Variants in FBXO34 observed in about 807,000 individuals in gnomAD.
The protein encoded by FBXO34 is F-box only protein 34.
In FBXO34, 12 loss-of-function variants were observed where a neutral mutation model predicts 24.5. The observed-to-expected ratio is 0.49, with a 90% CI of 0.31 to 0.79. The LOEUF (loss-of-function observed/expected upper bound fraction) is 0.79. FBXO34 is among the 30% of genes least tolerant of loss of function. FBXO34 has a pLI of 0.04. For synonymous variants in FBXO34, 320 were observed against 311.9 expected (o/e 1.03, Z -0.27); for missense variants, 823 against 857.7 (o/e 0.96, Z 0.51).
downstream of FBXO34, among the ~76,000 whole-genome samples, chr14:55,362,407 G>A (rs772720092): frequency 8.5e-5 from 13 of 152,178 alleles, no homozygotes; most frequent in Non-Finnish European, 1.6e-4. Context: ...ACATGATGAA[G>A]TGGGCACATA....
the FBXO34 span, chr14:55,386,073 T>G: frequency 6.2e-7 from 1 of 1,611,044 alleles, no homozygotes; most frequent in Non-Finnish European, 8.5e-7. Flanking sequence ...TTCTTTTCCT[T>G]GGTTTTGAGA....
intron 1 of FBXO34, among the ~76,000 whole-genome samples, chr14:55,275,808 A>AGCG (rs1382709195): frequency 7.5e-6 from 1 of 132,630 alleles, no homozygotes; most frequent in Non-Finnish European, 1.5e-5. Context: ...TGGGTGACAG[A>AGCG]GCGAGACTCT....
At chr14:55,435,462 G>T in the FBXO34 span, among the ~76,000 whole-genome samples, 1 of 152,190 alleles carries the variant, frequency 6.6e-6, no homozygotes, top group African/African-American at 2.4e-5. Flanking sequence ...TTTTAGTAGA[G>T]ACGGGATTTC....
chr14:55,347,930 T>C (rs1424821754), intron 1 of FBXO34, among the ~76,000 whole-genome samples: 1 of 152,236 alleles, frequency 6.6e-6, no homozygotes, highest in African/African-American at 2.4e-5. Flanking sequence ...CTTCCATTTC[T>C]TTCATTTAGG....
chr14:55,301,424 G>A (rs1294102139), intron 1 of FBXO34, among the ~76,000 whole-genome samples: 2 of 149,270 alleles, frequency 1.3e-5, no homozygotes, highest in Non-Finnish European at 1.5e-5. Flanking sequence ...GTGACAAAGT[G>A]AGACTCTGTC....
chr14:55,419,145 T>G, the FBXO34 span, among the ~76,000 whole-genome samples: 1 of 152,212 alleles, frequency 6.6e-6, no homozygotes, highest in African/African-American at 2.4e-5. Flanking sequence ...ATTGTAGACT[T>G]GCAAATTGCT....
chr14:55,436,634 A>G, the FBXO34 span: 1 of 1,614,214 alleles, frequency 6.2e-7, no homozygotes, highest in Non-Finnish European at 8.5e-7. Flanking sequence ...GATGCCAGAG[A>G]CAAGGAGTCG....
At chr14:55,433,635 G>T in the FBXO34 span, 3 of 1,613,794 alleles carry the variant, frequency 1.9e-6, no homozygotes, top group Non-Finnish European at 1.7e-6. Flanking sequence ...CATACCTTTT[G>T]GCTCCCGTGC....
chr14:55,403,338 A>G, the FBXO34 span, among the ~76,000 whole-genome samples: 1,273 of 152,236 alleles, frequency 8.4e-3, 23 homozygotes, highest in African/African-American at 0.029. Flanking sequence ...TCAGACCACA[A>G]AAAGAGACTG....
the FBXO34 span, among the ~76,000 whole-genome samples, chr14:55,400,056 C>T: frequency 2.0e-5 from 3 of 152,298 alleles, no homozygotes; most frequent in African/African-American, 7.2e-5. Flanking sequence ...TCATGAGTCA[C>T]GTCCTCCTTC....
At chr14:55,354,606 G>A (rs7159144), downstream of FBXO34, 84,801 of 152,140 alleles carry the variant, frequency 0.56, 26,672 homozygotes, top group African/African-American at 0.87. Flanking sequence ...CCCAGCCCCA[G>A]TTGGCATGCA....
chr14:55,337,133 C>A (rs1883811919), intron 1 of FBXO34, among the ~76,000 whole-genome samples: 1 of 151,938 alleles, frequency 6.6e-6, no homozygotes, highest in African/African-American at 2.4e-5. Context: ...ACCACTGTGC[C>A]TGGCTAATTT....
At chr14:55,362,500 T>G (rs1458897289), downstream of FBXO34, among the ~76,000 whole-genome samples, 1 of 152,028 alleles carries the variant, frequency 6.6e-6, no homozygotes, top group African/African-American at 2.4e-5. Context: ...CGGAGAGGTG[T>G]GACAAAGCAA....
the FBXO34 span, among the ~76,000 whole-genome samples, chr14:55,394,319 T>C: frequency 6.6e-6 from 1 of 152,170 alleles, no homozygotes; most frequent in African/African-American, 2.4e-5. Flanking sequence ...TTTTCCTTCA[T>C]AATTGAGATT....
At chr14:55,281,870 A>G (rs1313191381) in intron 1 of FBXO34, among the ~76,000 whole-genome samples, 1 of 152,100 alleles carries the variant, frequency 6.6e-6, no homozygotes. Context: ...TTGTAGGCAC[A>G]TATCGAAGGC....
rs1883581464 is a variant in FBXO34, at chr14:55,331,777, A to G, written c.-10-18604A>G. 5.2e-5 allele frequency among the ~76,000 whole-genome samples: 4 copies of G among 76,380 alleles called. No individual in the cohort carries two copies. In the South Asian group the frequency reaches 1.5e-3, roughly 29 times the overall value. The allele number at this position is 76,380 out of a possible 152,430, so 50.1% of individuals were successfully genotyped here. On this transcript the variant is annotated intron_variant, in intron 1 of 1. Transcript: ENST00000313833. Reference sequence around the variant, plus strand: ...TATATATATGTATATATATATATATATACCACCATGGTGTATATATAAATA... The same window carrying G: ...TATATATATGTATATATATATATATGTACCACCATGGTGTATATATAAATA...
At chr14:55,389,462 C>A in the FBXO34 span, among the ~76,000 whole-genome samples, 1 of 152,316 alleles carries the variant, frequency 6.6e-6, no homozygotes, top group South Asian at 2.1e-4. Flanking sequence ...CCGTGAAACT[C>A]CACGTGAGCA....
At chr14:55,329,568 T>A (rs934246756) in intron 1 of FBXO34, among the ~76,000 whole-genome samples, 1 of 152,256 alleles carries the variant, frequency 6.6e-6, no homozygotes, top group African/African-American at 2.4e-5. Flanking sequence ...TTTAACTTTC[T>A]ATTCAGTAGT....
In FBXO34 at chr14:55,351,801, T is replaced by G; in HGVS notation, c.1411T>G (p.Leu471Val). 6.2e-7 allele frequency: 1 copy of G among 1,614,194 alleles called. No homozygotes were observed. Among genetic ancestry groups the G allele is most frequent in the Non-Finnish European group, 8.5e-7 (1 of 1,180,030 alleles). Residue 471 changes from leucine to valine, a missense_variant, in exon 2 of 2, where the codon TTA (leucine) becomes GTA (valine). By Grantham distance (32) the Leu-to-Val change is conservative. Around this residue, in one of 2 missense-constraint regions of FBXO34, gnomAD observed 693 missense variants for 659.1 expected, o/e 1.05. Coordinates refer to ENST00000313833, the MANE Select transcript of FBXO34 (RefSeq NM_017943.4). ...SKVDKDQPSI[L>V]NSCEDPVPGM... Reference sequence around the variant, plus strand: ...GGTAGACAAAGACCAGCCTTCCATTTTAAACTCCTGTGAAGACCCAGTTCC... The same window carrying G: ...GGTAGACAAAGACCAGCCTTCCATTGTAAACTCCTGTGAAGACCCAGTTCC...
Sources: allele counts gnomAD v4.1 joint callset (sites outside exome capture counted in the v4.1 genomes callset), GRCh38; gene constraint gnomAD v4.1.1; regional missense constraint gnomAD v4.1.1; transcripts MANE v1.5; gene names NCBI Gene and HGNC (gene_info 2026-07-23, HGNC 2026-07-21).